Variants in DDX11 observed in about 807,000 individuals in gnomAD.
DDX11 encodes DEAD/H-box helicase 11, also known as ATP-dependent DNA helicase DDX11.
A neutral mutation model predicts 125.2 loss-of-function variants in DDX11; 72 were observed. The observed-to-expected ratio is 0.58, with a 90% CI of 0.48 to 0.70. The LOEUF (loss-of-function observed/expected upper bound fraction) is 0.70. Among genes scored for constraint, DDX11 ranks in the 30% least tolerant of loss-of-function variants. DDX11 has a pLI of 0.00. For missense variants in DDX11, 883 were observed against 1,165.0 expected (o/e 0.76, Z 3.52); for synonymous variants, 347 against 452.6 (o/e 0.77, Z 2.96).
chr12:31,103,261 C>T (rs1247672097), intron 24 of DDX11, 56 bp from the exon 25 acceptor site: 16 of 1,584,904 alleles, frequency 1.0e-5, no homozygotes, highest in Non-Finnish European at 1.3e-5. Flanking sequence ...GGGTCTTTTC[C>T]CAGGGGGAGC....
At chr12:31,085,166 G>C in intron 5 of DDX11, 40 bp downstream of exon 5, 1 of 1,548,160 alleles carries the variant, frequency 6.5e-7, no homozygotes, top group East Asian at 2.4e-5. Context: ...CCCAGGCCAG[G>C]GGACACCCTT....
chr12:31,093,338 C>T lies in DDX11; in HGVS notation c.1369+14C>T, dbSNP rs377234729. 1.2e-6 allele frequency: 2 copies of T among 1,613,826 alleles called. No individual in the cohort carries two copies. The highest frequency in any genetic ancestry group is 2.2e-5 in the East Asian group (1 of 44,864). On this transcript the variant is annotated intron_variant, in intron 12 of 26. Transcript: ENST00000542838. ...CTGTGCTAGGGGGTGAGAGCCTCGTCCCCCTGCTGACCCCGGGCCTGCAAA... is the reference window on the plus strand; with the variant it reads ...CTGTGCTAGGGGGTGAGAGCCTCGTTCCCCTGCTGACCCCGGGCCTGCAAA...
chr12:31,098,654 T>C (rs1040720055), intron 18 of DDX11, among the ~76,000 whole-genome samples: 1 of 152,254 alleles, frequency 6.6e-6, no homozygotes, highest in African/African-American at 2.4e-5. Flanking sequence ...AAGGGCCTCC[T>C]GGACAAAAAG....
At chr12:31,076,194 C>CT (rs1417819667) in intron 1 of DDX11, among the ~76,000 whole-genome samples, 2 of 152,082 alleles carry the variant, frequency 1.3e-5, no homozygotes, top group South Asian at 2.1e-4. Context: ...GGAGCTGAAG[C>CT]TGAAAGGTCC....
intron 2 of DDX11, 96 bp from the exon 3 acceptor site, chr12:31,083,717 G>A: frequency 1.4e-6 from 2 of 1,457,284 alleles, no homozygotes; most frequent in South Asian, 2.3e-5. Context: ...CCTATGTACA[G>A]CCAGACCTTC....
At chr12:31,094,529 T>C in intron 12 of DDX11, 61 bp from the exon 13 acceptor site, 3 of 1,416,440 alleles carry the variant, frequency 2.1e-6, no homozygotes, top group Non-Finnish European at 2.9e-6. Flanking sequence ...GGAGAGAAGA[T>C]AGGGAAGGGT....
At chr12:31,095,172 G>A (rs1226254228) in intron 14 of DDX11, among the ~76,000 whole-genome samples, 2 of 152,162 alleles carry the variant, frequency 1.3e-5, no homozygotes, top group African/African-American at 2.4e-5. Context: ...TTCCCACTTG[G>A]GCCTTGGGTC....
intron 23 of DDX11, 121 bp from the exon 24 acceptor site, chr12:31,102,815 C>G (rs1241001046): frequency 7.0e-6 from 6 of 859,236 alleles, no homozygotes; most frequent in Non-Finnish European, 1.1e-5. Context: ...TGGAGAGAGG[C>G]TGAGTTTTGA....
At position 31,073,870 on chromosome 12, in the gene DDX11, C is replaced by G. The variant is rs904846874; in HGVS notation, c.-226C>G. On this transcript the variant is annotated 5_prime_UTR_variant, in exon 1 of 27. Transcript: ENST00000542838. ...TGCGCAGCGGCGGGGGTTGTTCCGG[C>G]TGCCTTTCACTGAGGGGACCCGCCA... 3.9e-5 allele frequency: 6 copies of G among 152,246 alleles called. No individual in the cohort carries two copies. The highest frequency in any genetic ancestry group is 1.4e-4 in the African/African-American group (6 of 41,474). 9.4% of individuals were successfully genotyped at this position (152,246 alleles called of 1,614,324 possible). A position where few individuals can be genotyped will look rare whatever the true frequency, so the allele number is the denominator to read the frequency against.
Position 31,104,429 on chromosome 12 carries a change from G to A in DDX11, c.*593G>A, listed in dbSNP as rs953738050. On this transcript the variant is annotated 3_prime_UTR_variant, in exon 27 of 27. Transcript: ENST00000542838. ...TGCCTGGATTTGTATCCTTGGCTTCGTGCCAGTTCCTCCAAGTCTATGGCA... is the reference window on the plus strand; with the variant it reads ...TGCCTGGATTTGTATCCTTGGCTTCATGCCAGTTCCTCCAAGTCTATGGCA... The A allele has an allele frequency of 4.3e-5, 9 of 210,730 alleles. No homozygotes were observed. Among genetic ancestry groups the A allele is most frequent in the Admixed American group, 3.1e-4 (6 of 19,218 alleles). 13.1% of individuals were successfully genotyped at this position (210,730 alleles called of 1,614,324 possible). A position where few individuals can be genotyped will look rare whatever the true frequency, so the allele number is the denominator to read the frequency against.
At chr12:31,101,512 A>G in intron 20 of DDX11, 1 of 496,974 alleles carries the variant, frequency 2.0e-6, no homozygotes, top group Non-Finnish European at 3.7e-6. Context: ...GCAGCCCCTG[A>G]TTGTCGTTGT....
rs766132185 is a variant in DDX11 at position 31,097,936 on chromosome 12, A to G, written c.1814A>G (p.His605Arg). The G allele has an allele frequency of 1.9e-6, 3 of 1,613,828 alleles. No homozygotes were observed. Among genetic ancestry groups the G allele is most frequent in the Non-Finnish European group, 8.5e-7 (1 of 1,179,882 alleles). Residue 605 changes from histidine to arginine, a missense_variant, in exon 18 of 27, where the codon CAC becomes CGC. Physicochemically the swap from His to Arg is conservative, Grantham distance 29. This residue lies in a region of DDX11 where 241 missense variants were observed against 279.7 expected (regional missense o/e 0.86). Transcript: ENST00000542838. ...LKFLLLNPAV[H>R]FAQVVKECRA... ...TTTTTGCTCCTGAATCCAGCTGTGCACTTTGCCCAAGTGGTGAAGGAATGC... is the reference window on the plus strand; with the variant it reads ...TTTTTGCTCCTGAATCCAGCTGTGCGCTTTGCCCAAGTGGTGAAGGAATGC...
chr12:31,089,647 A>G, intron 8 of DDX11, 157 bp downstream of exon 8: 3 of 1,036,174 alleles, frequency 2.9e-6, no homozygotes, highest in Admixed American at 2.0e-5. Flanking sequence ...AAGTGTTCCT[A>G]CTCTCTGGGT....
intron 17 of DDX11, among the ~76,000 whole-genome samples, chr12:31,097,572 C>T (rs1347938017): frequency 7.0e-5 from 10 of 143,592 alleles, no homozygotes; most frequent in South Asian, 4.6e-4. Context: ...CCCAGCTACT[C>T]GGGAGGCTGA....
At position 31,089,911 on chromosome 12, in the gene DDX11, G is replaced by A. The variant is rs773573513; in HGVS notation, c.906G>A (p.Glu302=). ...RHEKKKGAEE[E]KPKRRRQEKQ... ...AGAAGAAGAAAGGAGCTGAGGAGGA[G>A]AAGCCAAAGAGGAGGAGGCAGGAGA... The change falls in exon 9 of 27, where the codon GAG becomes GAA. Residue 302 remains glutamate, a synonymous_variant. Transcript: ENST00000542838. The A allele has an allele frequency of 5.1e-4, 817 of 1,605,970 alleles. 1 individual carries two copies. The highest frequency in any genetic ancestry group is 5.9e-4 in the Non-Finnish European group (694 of 1,177,416).
chr12:31,095,699 G>A (rs934168852), intron 14 of DDX11, among the ~76,000 whole-genome samples: 81 of 151,800 alleles, frequency 5.3e-4, no homozygotes, highest in African/African-American at 1.8e-3. Flanking sequence ...CAGTCCTGCC[G>A]TCCCTGCGCT....
chr12:31,093,728 A>ACTC (rs1944685229), intron 12 of DDX11: 2 of 162,582 alleles, frequency 1.2e-5, no homozygotes, highest in South Asian at 2.2e-4. Context: ...CTCAAAAAAA[A>ACTC]AAAAAAAAAA....
chr12:31,100,562 C>G (rs1196368858), intron 18 of DDX11, 73 bp from the exon 19 acceptor site: 3 of 1,393,108 alleles, frequency 2.2e-6, no homozygotes, highest in Non-Finnish European at 3.0e-6. Flanking sequence ...TCTCTTAGCC[C>G]AGACTTCTCG....
At chr12:31,077,700 T>C (rs1253225463) in intron 1 of DDX11, among the ~76,000 whole-genome samples, 16 of 151,572 alleles carry the variant, frequency 1.1e-4, no homozygotes, top group African/African-American at 1.9e-4. Flanking sequence ...AAAAATTAGC[T>C]GGGCGTGGTG....
Sources: gnomAD v4.1 joint callset for allele counts (sites outside exome capture counted in the v4.1 genomes callset) on GRCh38, gnomAD v4.1.1 for gene constraint, gnomAD v4.1.1 regional missense constraint, MANE v1.5 for transcripts, NCBI Gene and HGNC (gene_info 2026-07-23, HGNC 2026-07-21) for gene names.